The following TNRC6C variants were observed in gnomAD, a reference collection of about 807,000 sequenced individuals.
The protein encoded by TNRC6C is trinucleotide repeat containing adaptor 6C, also known as trinucleotide repeat-containing gene 6C protein.
In TNRC6C, 20 loss-of-function variants were observed where a neutral mutation model predicts 153.7. The observed-to-expected ratio is 0.13, with a 90% CI of 0.09 to 0.19. The LOEUF is 0.19. TNRC6C is among the 10% of genes least tolerant of loss of function. The pLI, the probability that TNRC6C is intolerant of heterozygous loss-of-function variation, is 1.00. For missense variants in TNRC6C, 1,987 were observed against 2,172.0 expected, an observed-to-expected ratio of 0.91 and a Z score of 1.69; for synonymous variants, 811 against 841.4, an observed-to-expected ratio of 0.96 and a Z score of 0.63.
At chr17:77,964,414 G>A (rs565483248) in intron 1 of TNRC6C, among the ~76,000 whole-genome samples, 1 of 152,150 alleles carries the variant, frequency 6.6e-6, no homozygotes, top group African/African-American at 2.4e-5. Context: ...GTCTTTTGAC[G>A]TGGCTAATAC....
intron 1 of TNRC6C, among the ~76,000 whole-genome samples, chr17:77,995,609 A>G (rs1413492287): frequency 1.3e-5 from 2 of 152,192 alleles, no homozygotes; most frequent in Non-Finnish European, 2.9e-5. Flanking sequence ...ATGAAATCCC[A>G]AGCATTATTA....
At chr17:77,986,100 G>A (rs16970721) in intron 1 of TNRC6C, among the ~76,000 whole-genome samples, 12,669 of 152,136 alleles carry the variant, frequency 0.083, 655 homozygotes, top group East Asian at 0.18. Context: ...CTAGACATGA[G>A]CTTAACATGT....
chr17:78,027,184 C>T (rs1199053457), intron 1 of TNRC6C, among the ~76,000 whole-genome samples: 1 of 151,948 alleles, frequency 6.6e-6, no homozygotes, highest in Non-Finnish European at 1.5e-5. Context: ...GATAACAGGG[C>T]CTTGGATTTT....
chr17:77,962,762 C>A (rs1261626137), intron 1 of TNRC6C, among the ~76,000 whole-genome samples: 1 of 152,198 alleles, frequency 6.6e-6, no homozygotes, highest in Non-Finnish European at 1.5e-5. Flanking sequence ...CCAGCTCTAT[C>A]TCAGAGGGTC....
intron 2 of TNRC6C, among the ~76,000 whole-genome samples, chr17:78,033,290 A>G (rs2072110234): frequency 6.6e-6 from 1 of 152,232 alleles, no homozygotes; most frequent in African/African-American, 2.4e-5. Context: ...AAATCTTGCT[A>G]TGATATAATA....
intron 16 of TNRC6C, among the ~76,000 whole-genome samples, chr17:78,096,222 A>G (rs980540846): frequency 2.0e-5 from 3 of 152,184 alleles, no homozygotes; most frequent in Non-Finnish European, 4.4e-5. Flanking sequence ...CCGAGTTCAC[A>G]CAACACAAAG....
intron 4 of TNRC6C, among the ~76,000 whole-genome samples, chr17:78,065,385 T>C (rs921501384): frequency 2.6e-5 from 4 of 151,030 alleles, no homozygotes; most frequent in African/African-American, 9.7e-5. Flanking sequence ...GATTATAAAA[T>C]ATTTGCCATG....
At chr17:78,009,662 C>T (rs575462041) in intron 1 of TNRC6C, among the ~76,000 whole-genome samples, 1 of 152,202 alleles carries the variant, frequency 6.6e-6, no homozygotes, top group African/African-American at 2.4e-5. Flanking sequence ...TCAAGCAATT[C>T]TGCTGCCTCA....
intron 3 of TNRC6C, among the ~76,000 whole-genome samples, chr17:78,062,481 C>G (rs2072788164): frequency 6.6e-6 from 1 of 152,168 alleles, no homozygotes; most frequent in Non-Finnish European, 1.5e-5. Context: ...GCATTTTATA[C>G]TGTAAGTTTT....
intron 1 of TNRC6C, among the ~76,000 whole-genome samples, chr17:78,016,802 G>A (rs1316852148): frequency 2.0e-5 from 3 of 152,188 alleles, no homozygotes. Flanking sequence ...GCCAGTCACT[G>A]TTCTAAACCA....
intron 17 of TNRC6C, 53 bp from the exon 21 acceptor site, chr17:78,102,421 C>T (rs2073613721): frequency 1.3e-6 from 2 of 1,521,986 alleles, no homozygotes; most frequent in African/African-American, 1.4e-5. Flanking sequence ...GGGAGGGCCG[C>T]ACTATCCACT....
At chr17:77,992,955 TA>T (rs1174152949) in intron 1 of TNRC6C, among the ~76,000 whole-genome samples, 1 of 152,126 alleles carries the variant, frequency 6.6e-6, no homozygotes, top group Non-Finnish European at 1.5e-5. Context: ...AGGTAAACTC[TA>T]CACTTATTTT....
intron 1 of TNRC6C, 27 bp downstream of exon 3, chr17:78,005,106 A>T (rs1005835109): frequency 8.1e-7 from 1 of 1,228,356 alleles, no homozygotes. Flanking sequence ...TTAGGGGGGT[A>T]CATTTATGGC....
chr17:77,998,298 T>C (rs1253761162), intron 1 of TNRC6C, among the ~76,000 whole-genome samples: 2 of 152,250 alleles, frequency 1.3e-5, no homozygotes, highest in Non-Finnish European at 2.9e-5. Flanking sequence ...GTATACGTTA[T>C]ATCCAAGTAT....
At chr17:77,968,576 C>G (rs1344101462) in intron 1 of TNRC6C, among the ~76,000 whole-genome samples, 1 of 150,362 alleles carries the variant, frequency 6.7e-6, no homozygotes, top group African/African-American at 2.5e-5. Context: ...CTCCTGACCT[C>G]AGGTGATCCG....
intron 2 of TNRC6C, among the ~76,000 whole-genome samples, chr17:78,039,361 T>C (rs2072248479): frequency 6.8e-6 from 1 of 146,046 alleles, no homozygotes; most frequent in Non-Finnish European, 1.5e-5. Flanking sequence ...CCCTCTGTTC[T>C]TGGTGTCACC....
At chr17:78,069,822 G>A (rs1238770986) in intron 5 of TNRC6C, among the ~76,000 whole-genome samples, 2 of 152,246 alleles carry the variant, frequency 1.3e-5, no homozygotes, top group East Asian at 3.9e-4. Flanking sequence ...TGGGGTAGGA[G>A]GAAGAAAACG....
Position 78,097,739 on chromosome 17 carries a change from C to T in TNRC6C, c.4307-604C>T. On this transcript the variant is annotated intron_variant, in intron 16 of 19. Transcript: ENST00000301624. ...ACCTTGCTCAGTGCCGTGTTTGGTTCTGCAGGGTCCTCCCCGCCATCATCT... is the reference window on the plus strand; with the variant it reads ...ACCTTGCTCAGTGCCGTGTTTGGTTTTGCAGGGTCCTCCCCGCCATCATCT... The T allele has an allele frequency of 6.5e-7, 1 of 1,544,182 alleles. No homozygotes were observed. The highest frequency in any genetic ancestry group is 8.8e-7 in the Non-Finnish European group (1 of 1,142,402).
chr17:78,092,511 A>C (rs1037558001), intron 14 of TNRC6C, among the ~76,000 whole-genome samples: 2 of 152,242 alleles, frequency 1.3e-5, no homozygotes, highest in Non-Finnish European at 2.9e-5. Context: ...TGTATTTTGT[A>C]AAGACTTCTT....
Sources: gnomAD v4.1 joint callset for allele counts (sites outside exome capture counted in the v4.1 genomes callset) on GRCh38, gnomAD v4.1.1 for gene constraint, MANE v1.5 for transcripts, NCBI Gene and HGNC (gene_info 2026-07-23, HGNC 2026-07-21) for gene names.